FHDC1: variants seen among roughly 807,000 people sequenced by gnomAD.
FHDC1 encodes the protein FH2 domain containing 1.
In FHDC1, 25 loss-of-function variants were observed where a neutral mutation model predicts 52.6. The observed-to-expected ratio is 0.48, with a 90% CI of 0.35 to 0.66. The LOEUF (loss-of-function observed/expected upper bound fraction) is 0.66, where lower values mean the gene tolerates loss of function less well. Among genes scored for constraint, FHDC1 ranks in the 30% least tolerant of loss-of-function variants. The pLI is 0.01. For missense variants in FHDC1, 1,459 were observed against 1,452.8 expected (o/e 1.00, Z -0.07); for synonymous variants, 616 against 581.5 (o/e 1.06, Z -0.85).
intron 1 of FHDC1, among the ~76,000 whole-genome samples, chr4:152,940,992 A>T (rs1352151214): frequency 6.6e-6 from 1 of 152,216 alleles, no homozygotes. Context: ...CAGCTTGGAA[A>T]AATATTTTCT....
chr4:152,937,029 C>T (rs1188137063), intron 1 of FHDC1, among the ~76,000 whole-genome samples: 3 of 152,244 alleles, frequency 2.0e-5, no homozygotes, highest in African/African-American at 7.2e-5. Flanking sequence ...CGCCCCGCGC[C>T]TGCAGGAGTG....
chr4:152,941,925 C>G (rs1739583997), intron 1 of FHDC1, among the ~76,000 whole-genome samples: 1 of 152,156 alleles, frequency 6.6e-6, no homozygotes, highest in South Asian at 2.1e-4. Flanking sequence ...GCATGGCGTC[C>G]TTTCTACACC....
intron 2 of FHDC1, among the ~76,000 whole-genome samples, chr4:152,947,458 T>C (rs1363271377): frequency 6.6e-6 from 1 of 152,212 alleles, no homozygotes; most frequent in Non-Finnish European, 1.5e-5. Context: ...AGAAGCTCTG[T>C]AGTTCCTGAC....
chr4:152,964,800 G>C, intron 8 of FHDC1, 105 bp from the exon 9 acceptor site: 3 of 913,848 alleles, frequency 3.3e-6, no homozygotes, highest in Non-Finnish European at 5.1e-6. Flanking sequence ...AATGTGTCAA[G>C]TTTAAAAACA....
In FHDC1 at chr4:152,976,531, C is replaced by T; in HGVS notation, c.3240C>T (p.Pro1080=). The part of the protein sequence containing the change: ...RVKGDPEDAA[P]KDSSTLRRAS... ...AAGGGGACCCCGAGGATGCCGCTCC[C>T]AAGGACAGCAGCACTTTGAGGCGAG... Residue 1080 remains proline (P), a synonymous_variant, in exon 12 of 12, where the codon CCC becomes CCT. Transcript: ENST00000511601. The T allele has an allele frequency of 6.2e-7, 1 of 1,613,158 alleles. No homozygotes were observed. Among genetic ancestry groups the T allele is most frequent in the South Asian group, 1.1e-5 (1 of 91,062 alleles).
intron 2 of FHDC1, among the ~76,000 whole-genome samples, chr4:152,948,195 AG>A (rs1739794294): frequency 6.6e-6 from 1 of 152,200 alleles, no homozygotes; most frequent in African/African-American, 2.4e-5. Context: ...TTTGTTTTTC[AG>A]GACTTGAAGT....
upstream of FHDC1, among the ~76,000 whole-genome samples, chr4:152,934,892 T>TC (rs1739321181): frequency 6.6e-6 from 1 of 152,042 alleles, no homozygotes; most frequent in African/African-American, 2.4e-5. Flanking sequence ...GGGTGTGGAC[T>TC]CCCCATTTAA....
chr4:152,916,570 T>C, the FHDC1 span, among the ~76,000 whole-genome samples: 3 of 150,318 alleles, frequency 2.0e-5, no homozygotes, highest in African/African-American at 7.4e-5. Context: ...TTTTTCATAA[T>C]AACATTAAAA....
At chr4:152,931,045 G>A in the FHDC1 span, among the ~76,000 whole-genome samples, 1,511 of 149,336 alleles carry the variant, frequency 0.01, 35 homozygotes, top group African/African-American at 0.035. Flanking sequence ...GATTGATTAG[G>A]TTTGTTTGGA....
intron 1 of FHDC1, among the ~76,000 whole-genome samples, chr4:152,941,296 A>G (rs1401379464): frequency 1.3e-5 from 2 of 152,264 alleles, no homozygotes; most frequent in South Asian, 2.1e-4. Context: ...AAATATTACA[A>G]GTTTGTTCCT....
At position 152,976,147 on chromosome 4, in the gene FHDC1, C is replaced by T. The variant is rs751042198; in HGVS notation, c.2856C>T (p.Ala952=). 8.1e-6 allele frequency: 13 copies of T among 1,611,534 alleles called. No individual in the cohort carries two copies. The highest frequency in any genetic ancestry group is 1.7e-5 in the Admixed American group (1 of 59,866). ...QNSVRRASTG[A]EEQRLPRGSS... Reference sequence around the variant, plus strand: ...CCGTGCGGAGGGCCTCCACAGGCGCCGAAGAGCAGAGGCTGCCGCGGGGGA... The same window carrying T: ...CCGTGCGGAGGGCCTCCACAGGCGCTGAAGAGCAGAGGCTGCCGCGGGGGA... The change falls in exon 12 of 12, where the codon GCC becomes GCT. Residue 952 remains alanine, a synonymous_variant. Transcript: ENST00000511601.
chr4:152,976,575 C>T lies in FHDC1; in HGVS notation c.3284C>T (p.Pro1095Leu), dbSNP rs773792630. 6.2e-7 allele frequency: 1 copy of T among 1,612,594 alleles called. No homozygotes were observed. Among genetic ancestry groups the T allele is most frequent in the Admixed American group, 1.7e-5 (1 of 59,960 alleles). ...TLRRASSARAPKKRPESAEGP... is the reference protein window; with the variant it reads ...TLRRASSARALKKRPESAEGP... ...AGGCGAGCCAGCAGTGCCCGGGCCC[C>T]CAAGAAGCGCCCAGAGTCTGCGGAG... is the stretch of plus-strand genomic sequence containing the variant. Residue 1095 changes from proline to leucine, a missense_variant, in exon 12 of 12, where the codon CCC (proline) becomes CTC (leucine). By Grantham distance (98) the Pro-to-Leu change is moderately conservative (BLOSUM62 -3). This residue lies in a region of FHDC1 where 939 missense variants were observed against 854.5 expected (regional missense o/e 1.10). Transcript: ENST00000511601.
At chr4:152,953,598 C>G in intron 3 of FHDC1, 38 bp downstream of exon 3, 2 of 1,541,338 alleles carry the variant, frequency 1.3e-6, no homozygotes, top group Non-Finnish European at 1.8e-6. Flanking sequence ...TAGTCATATC[C>G]CTGCTGTCAG....
At chr4:152,934,812 T>G (rs1739319538), upstream of FHDC1, among the ~76,000 whole-genome samples, 1 of 152,144 alleles carries the variant, frequency 6.6e-6, no homozygotes, top group Admixed American at 6.5e-5. Context: ...GTAACTGTTT[T>G]AGAGTGCATG....
chr4:152,967,901 CAGTT>C, intron 9 of FHDC1, 75 bp from the exon 10 acceptor site: 1 of 1,009,294 alleles, frequency 9.9e-7, no homozygotes, highest in South Asian at 1.5e-5. Context: ...GGTTGAACAA[CAGTT>C]AGTCTTATTT....
intron 9 of FHDC1, among the ~76,000 whole-genome samples, chr4:152,966,231 C>T (rs1476478141): frequency 6.6e-6 from 1 of 152,128 alleles, no homozygotes. Context: ...TAGAAAAATC[C>T]TATTCAGCAA....
chr4:152,961,372 A>G (rs1740276166), intron 6 of FHDC1, among the ~76,000 whole-genome samples: 1 of 151,986 alleles, frequency 6.6e-6, no homozygotes, highest in Admixed American at 6.6e-5. Context: ...CCATACTCCA[A>G]TTTCTGCTGA....
chr4:152,962,404 T>C (rs1269254920), intron 6 of FHDC1, among the ~76,000 whole-genome samples: 3 of 152,226 alleles, frequency 2.0e-5, no homozygotes, highest in Non-Finnish European at 1.5e-5. Flanking sequence ...AGTTTTCATA[T>C]TCCATAAATG....
intron 9 of FHDC1, among the ~76,000 whole-genome samples, chr4:152,967,549 C>T (rs1740502718): frequency 6.6e-6 from 1 of 152,194 alleles, no homozygotes; most frequent in African/African-American, 2.4e-5. Flanking sequence ...TCACTGTTAC[C>T]CTTAGTGTTA....
Sources: gnomAD v4.1 joint callset for allele counts (sites outside exome capture counted in the v4.1 genomes callset) on GRCh38, gnomAD v4.1.1 for gene constraint, gnomAD v4.1.1 regional missense constraint, MANE v1.5 for transcripts, NCBI Gene and HGNC (gene_info 2026-07-23, HGNC 2026-07-21) for gene names.